The following FMN1 variants were observed in gnomAD, a reference collection of about 807,000 sequenced individuals.
The protein encoded by FMN1 is formin 1.
In FMN1, 110 loss-of-function variants were observed where a neutral mutation model predicts 132.4. The observed-to-expected ratio is 0.83, with a 90% confidence interval of 0.71 to 0.97. FMN1 has a LOEUF of 0.97. FMN1 is among the 50% of genes least tolerant of loss of function. The pLI, the probability that FMN1 is intolerant of heterozygous loss-of-function variation, is 0.00. For synonymous variants in FMN1, 722 were observed against 651.7 expected (o/e 1.11, Z -1.64); for missense variants, 1,792 against 1,705.3 (o/e 1.05, Z -0.90).
chr15:32,894,069 G>A (rs537067796), intron 15 of FMN1, among the ~76,000 whole-genome samples: 1 of 152,268 alleles, frequency 6.6e-6, no homozygotes, highest in South Asian at 2.1e-4. Flanking sequence ...CACTCCACCA[G>A]AAAACAGCTC....
At chr15:32,837,370 G>A (rs1258766) in intron 17 of FMN1, 69,812 of 156,062 alleles carry the variant, frequency 0.45, 16,692 homozygotes, top group Middle Eastern at 0.54. Context: ...GGGTTCTGGC[G>A]GCTCCTGGGG....
At chr15:33,090,213 G>A (rs1435729750) in intron 4 of FMN1, among the ~76,000 whole-genome samples, 2 of 152,142 alleles carry the variant, frequency 1.3e-5, no homozygotes, top group African/African-American at 4.8e-5. Context: ...ACGACAGAGT[G>A]TTTATTACAC....
chr15:32,776,849 G>T lies in FMN1; in HGVS notation c.4201C>A (p.Pro1401Thr), dbSNP rs1344295918. 3 of 1,586,604 alleles carry T rather than the reference G, an allele frequency of 1.9e-6. No homozygotes were observed. Among genetic ancestry groups the T allele is most frequent in the South Asian group, 2.3e-5 (2 of 87,486 alleles). ...EKKVETKKINPTASLKERLRQ... is the reference protein window; with the variant it reads ...EKKVETKKINTTASLKERLRQ... The stretch of plus-strand genomic sequence containing the variant: ...ATATATCTCACCAGGCTAGCAGTGG[G>T]ATTGATTTTCTTTGTCTCCACTTTC... Residue 1401 changes from proline (P) to threonine (T), a missense_variant, in exon 20 of 21, where the codon CCC becomes ACC. Pro to Thr is a conservative substitution (Grantham distance 38). Around this residue, in one of 3 missense-constraint regions of FMN1, gnomAD observed 1,150 missense variants for 1,043.1 expected, o/e 1.10. Transcript: ENST00000616417.
intron 17 of FMN1, among the ~76,000 whole-genome samples, chr15:32,847,788 G>C (rs919416343): frequency 2.0e-5 from 3 of 152,168 alleles, no homozygotes; most frequent in Non-Finnish European, 2.9e-5. Flanking sequence ...CTGGGAGGCG[G>C]AGCGTGCAGT....
In FMN1 at chr15:32,875,007, T is replaced by A. The variant is rs571464769; in HGVS notation, c.3835+13165A>T. On this transcript the variant is annotated intron_variant, in intron 16 of 20. Coordinates refer to ENST00000616417, the MANE Select transcript of FMN1 (RefSeq NM_001277313.2). ...TGTTTACTATGGCAGAGGAAAAGTT[T>A]CTGGTCCAGCGGGTCCTGGTCCTCC... Among the ~76,000 whole-genome samples the A allele has an allele frequency of 8.5e-5, 13 of 152,364 alleles. No homozygotes were observed. The South Asian group carries it at 2.7e-3, about 32-fold the overall frequency.
rs1415910278 is a variant in FMN1, at chr15:33,153,457, T to C, written c.1458A>G (p.Arg486=). The C allele has an allele frequency of 3.3e-6, 5 of 1,536,598 alleles. No individual in the cohort carries two copies. The highest frequency in any genetic ancestry group is 4.4e-6 in the Non-Finnish European group (5 of 1,147,012). The part of the protein sequence containing the change: ...HKVGPDSSQP[R]GDKKKPSPPA... ...GTGGGGATGGCTTCTTCTTATCACC[T>C]CTGGGTTGTGAGGAGTCAGGACCTA... The change falls in exon 4 of 21, where the codon AGA becomes AGG. Residue 486 remains arginine (R), a synonymous_variant. Transcript: ENST00000616417.
At chr15:32,911,071 T>C (rs978242426) in intron 10 of FMN1, among the ~76,000 whole-genome samples, 1 of 152,226 alleles carries the variant, frequency 6.6e-6, no homozygotes, top group African/African-American at 2.4e-5. Context: ...AATAGCAAAT[T>C]AAGATTATGG....
chr15:33,025,235 T>G (rs937532749), intron 6 of FMN1, among the ~76,000 whole-genome samples: 1 of 152,022 alleles, frequency 6.6e-6, no homozygotes, highest in African/African-American at 2.4e-5. Context: ...CTGAGAGAAA[T>G]TCAATAACAA....
In FMN1 at chr15:32,999,295, C is replaced by G. The variant is rs541670357; in HGVS notation, c.2223+8719G>C. Among the ~76,000 whole-genome samples, 4 of 152,254 alleles carry G rather than the reference C, an allele frequency of 2.6e-5. No homozygotes were observed. The South Asian group carries it at 8.3e-4, about 32-fold the overall frequency. On this transcript the variant is annotated intron_variant, in intron 7 of 20. Coordinates refer to ENST00000616417, the MANE Select transcript of FMN1 (RefSeq NM_001277313.2). ...TAATGAAGAATACAAAAAAATGGAA[C>G]AGGCTTGGGATTTATGCCTTTATAA...
At chr15:32,974,977 C>T (rs76596033) in intron 7 of FMN1, among the ~76,000 whole-genome samples, 36 of 152,306 alleles carry the variant, frequency 2.4e-4, no homozygotes, top group African/African-American at 8.4e-4. Flanking sequence ...TTGGCCTCTG[C>T]CTACTTTCCC....
At chr15:32,879,764 T>TC (rs1369796353) in intron 16 of FMN1, among the ~76,000 whole-genome samples, 1 of 152,112 alleles carries the variant, frequency 6.6e-6, no homozygotes, top group African/African-American at 2.4e-5. Context: ...AACTTACATC[T>TC]CCTAAATCTC....
intron 3 of FMN1, among the ~76,000 whole-genome samples, chr15:33,177,321 C>G (rs534327186): frequency 6.6e-6 from 1 of 152,324 alleles, no homozygotes; most frequent in East Asian, 1.9e-4. Flanking sequence ...GAATATGGAG[C>G]ACTCACACCA....
At chr15:33,096,933 G>A (rs1188091277) in intron 4 of FMN1, among the ~76,000 whole-genome samples, 1 of 152,060 alleles carries the variant, frequency 6.6e-6, no homozygotes, top group Non-Finnish European at 1.5e-5. Context: ...ACTTCAGACT[G>A]GTTGATAATG....
chr15:33,072,631 C>T (rs932870978), intron 5 of FMN1, among the ~76,000 whole-genome samples: 14 of 152,220 alleles, frequency 9.2e-5, no homozygotes, highest in Non-Finnish European at 1.8e-4. Context: ...GCAAAAAGAA[C>T]ATCAGTCTAG....
At chr15:33,066,844 CAG>C in intron 5 of FMN1, 2 of 1,614,026 alleles carry the variant, frequency 1.2e-6, no homozygotes, top group East Asian at 2.2e-5. Flanking sequence ...TGTTGAGCAG[CAG>C]AGAGAGCTGC....
intron 4 of FMN1, among the ~76,000 whole-genome samples, chr15:33,091,210 T>G (rs185713988): frequency 6.6e-6 from 1 of 152,286 alleles, no homozygotes; most frequent in African/African-American, 2.4e-5. Context: ...TGAGTGTAAG[T>G]TCATCATTTA....
intron 17 of FMN1, among the ~76,000 whole-genome samples, chr15:32,842,790 T>TTTA (rs1303330179): frequency 1.3e-5 from 2 of 150,376 alleles, no homozygotes; most frequent in Non-Finnish European, 3.0e-5. Flanking sequence ...ACCTCAGCTT[T>TTTA]TTTTTTTTTT....
chr15:33,115,113 A>G (rs963688486), intron 4 of FMN1, among the ~76,000 whole-genome samples: 1 of 152,232 alleles, frequency 6.6e-6, no homozygotes. Context: ...TACAAAGATA[A>G]CTAAGACAAG....
chr15:32,932,227 C>T (rs376081604), intron 9 of FMN1, among the ~76,000 whole-genome samples: 18 of 152,012 alleles, frequency 1.2e-4, no homozygotes, highest in East Asian at 1.2e-3. Context: ...GGTGAAACCC[C>T]GTCTCTACTA....
Sources: gnomAD v4.1 joint callset for allele counts (sites outside exome capture counted in the v4.1 genomes callset) on GRCh38, gnomAD v4.1.1 for gene constraint, gnomAD v4.1.1 regional missense constraint, MANE v1.5 for transcripts, NCBI Gene and HGNC (gene_info 2026-07-23, HGNC 2026-07-21) for gene names.